Variants in PRKCSH observed in about 807,000 individuals in gnomAD.
The protein encoded by PRKCSH is glucosidase 2 subunit beta.
Under a neutral mutation model 79.7 loss-of-function variants are expected in PRKCSH, and 42 were observed. That is an observed-to-expected ratio of 0.53 (90% CI 0.41 to 0.68). The LOEUF (loss-of-function observed/expected upper bound fraction) is 0.68. Ranked by LOEUF, PRKCSH falls within the 30% of genes least tolerant of loss-of-function variation. The pLI is 0.00. For synonymous variants in PRKCSH, 325 were observed against 288.2 expected, an observed-to-expected ratio of 1.13 and a Z score of -1.29; for missense variants, 686 against 709.0, an observed-to-expected ratio of 0.97 and a Z score of 0.37.
Position 11,448,696 on chromosome 19 carries a change from C to G in PRKCSH, c.1286+67C>G, listed in dbSNP as rs751514390. 13 of 1,487,698 alleles carry G rather than the reference C, an allele frequency of 8.7e-6. No homozygotes were observed. Among genetic ancestry groups the G allele is most frequent in the Non-Finnish European group, 1.1e-5 (12 of 1,066,470 alleles). 92.2% of individuals were successfully genotyped at this position (1,487,698 alleles called of 1,614,324 possible). A position where few individuals can be genotyped will look rare whatever the true frequency, so the allele number is the denominator to read the frequency against. On this transcript the variant is annotated intron_variant, in intron 14 of 17. Coordinates refer to ENST00000677123, the MANE Select transcript of PRKCSH (RefSeq NM_001289104.2). The surrounding 1 kb of genome is among the most constrained non-coding windows in gnomAD (Gnocchi z 4.4). ...AGGCGGGTGGCCCCGGAAGTGGCAC[C>G]GGCAGTTTCCTGATGGTTGGGGAAC...
Position 11,449,246 on chromosome 19 carries a change from A to T in PRKCSH, c.1462-20A>T. 1.2e-6 allele frequency: 2 copies of T among 1,613,586 alleles called. No homozygotes were observed. The highest frequency in any genetic ancestry group is 2.2e-5 in the South Asian group (2 of 91,084). ...CTGGCCCAGCCGAACCCTCTCGAGC[A>T]CCCGTCTGCCCATCCCCAGGTGCGC... On this transcript the variant is annotated intron_variant, in intron 16 of 17. Transcript: ENST00000677123. This position sits in a 1 kb window ranked among gnomAD's most constrained non-coding sequence, Gnocchi z 6.4.
intron 17 of PRKCSH, chr19:11,450,061 G>A (rs1055816090): frequency 6.7e-6 from 1 of 148,282 alleles, no homozygotes; most frequent in Non-Finnish European, 1.5e-5. Context: ...AACCAGGTTG[G>A]TCTCGATCTC....
intron 5 of PRKCSH, among the ~76,000 whole-genome samples, chr19:11,438,905 TTTTA>T (rs900029546): frequency 2.4e-4 from 36 of 152,044 alleles, no homozygotes; most frequent in Admixed American, 1.2e-3. Context: ...GATGATTTAT[TTTTA>T]TTTATTTATA....
At position 11,447,062 on chromosome 19, in the gene PRKCSH, C is replaced by G; in HGVS notation, c.763-12C>G. 6.2e-7 allele frequency: 1 copy of G among 1,613,638 alleles called. No homozygotes were observed. The highest frequency in any genetic ancestry group is 8.5e-7 in the Non-Finnish European group (1 of 1,179,550). On this transcript the variant is annotated splice_polypyrimidine_tract_variant and intron_variant, in intron 9 of 17. Transcript: ENST00000677123. The surrounding 1 kb of genome is among the most constrained non-coding windows in gnomAD (Gnocchi z 5.6). Reference sequence around the variant, plus strand: ...GTGGCCTAGATCTTGACACCACCCCCAACACACACAGGCCCTCCTCAGTGG... The same window carrying G: ...GTGGCCTAGATCTTGACACCACCCCGAACACACACAGGCCCTCCTCAGTGG...
At chr19:11,436,670 C>T in intron 3 of PRKCSH, 165 bp downstream of exon 3, 2 of 660,390 alleles carry the variant, frequency 3.0e-6, no homozygotes, top group East Asian at 5.7e-5. Context: ...GCTGGAGGAG[C>T]CCAGAGTCGT....
At chr19:11,441,444 CCT>C in intron 6 of PRKCSH, 87 bp downstream of exon 6, 1 of 1,252,752 alleles carries the variant, frequency 8.0e-7, no homozygotes, top group Non-Finnish European at 1.2e-6. Context: ...GGGGTTTGCC[CCT>C]GACTGCTGTT....
intron 5 of PRKCSH, among the ~76,000 whole-genome samples, 195 bp downstream of exon 5, chr19:11,438,319 G>A (rs1969880834): frequency 6.6e-6 from 1 of 152,116 alleles, no homozygotes; most frequent in Non-Finnish European, 1.5e-5. Context: ...TTCAACAGAT[G>A]GGGGAACTCA....
Position 11,447,863 on chromosome 19 carries a change from G to A in PRKCSH, c.1126+74G>A. On this transcript the variant is annotated intron_variant, in intron 12 of 17. Coordinates refer to ENST00000677123, the MANE Select transcript of PRKCSH (RefSeq NM_001289104.2). The surrounding 1 kb of genome is among the most constrained non-coding windows in gnomAD (Gnocchi z 5.6). ...GCCGTGGTGGCACAGGTCGAGGGAA[G>A]ATCCTGAGCTTAGACCCTGCTCTGA... 6.9e-7 allele frequency: 1 copy of A among 1,449,176 alleles called. No individual in the cohort carries two copies. Among genetic ancestry groups the A allele is most frequent in the Non-Finnish European group, 9.3e-7 (1 of 1,076,898 alleles). 89.8% of individuals were successfully genotyped at this position (1,449,176 alleles called of 1,614,324 possible).
At chr19:11,444,086 A>G (rs1970187431) in intron 7 of PRKCSH, among the ~76,000 whole-genome samples, 1 of 152,190 alleles carries the variant, frequency 6.6e-6, no homozygotes, top group Non-Finnish European at 1.5e-5. Flanking sequence ...CTGCAACTGA[A>G]GATATTATTT....
intron 2 of PRKCSH, 24 bp downstream of exon 2, chr19:11,436,220 C>A: frequency 6.3e-7 from 1 of 1,584,892 alleles, no homozygotes; most frequent in East Asian, 2.3e-5. Context: ...TTCACCCTCC[C>A]GCCAGGCTGG....
intron 3 of PRKCSH, among the ~76,000 whole-genome samples, chr19:11,437,659 C>T (rs1269872532): frequency 6.6e-6 from 1 of 152,196 alleles, no homozygotes; most frequent in Non-Finnish European, 1.5e-5. Flanking sequence ...GGTGGAGACC[C>T]TGTTTTGAAG....
chr19:11,439,392 G>A (rs181104217), intron 5 of PRKCSH, among the ~76,000 whole-genome samples: 58 of 150,630 alleles, frequency 3.9e-4, no homozygotes, highest in Non-Finnish European at 5.8e-4. Context: ...GCAAAATAGC[G>A]ATACCCTATC....
chr19:11,440,887 ACTCCTGGGCTCAAGTGATC>A (rs1395420160), intron 5 of PRKCSH, among the ~76,000 whole-genome samples: 2 of 151,726 alleles, frequency 1.3e-5, no homozygotes, highest in Admixed American at 6.6e-5. Context: ...CTGGTTGCGA[ACTCCTGGGCTCAAGTGATC>A]CTCCTGCCTT....
At chr19:11,443,942 A>AT (rs1403976245) in intron 7 of PRKCSH, among the ~76,000 whole-genome samples, 1 of 151,988 alleles carries the variant, frequency 6.6e-6, no homozygotes, top group Non-Finnish European at 1.5e-5. Context: ...CAGCCGGCTA[A>AT]TTTTTGTAGT....
In PRKCSH at chr19:11,447,930, G is replaced by T; in HGVS notation, c.1126+141G>T. ...CCCAGTATCTTGGGGAGTCCAGGAA[G>T]GGGGCCTAGGGTAAGCCAGTCCCAC... On this transcript the variant is annotated intron_variant, in intron 12 of 17. Coordinates refer to ENST00000677123, the MANE Select transcript of PRKCSH (RefSeq NM_001289104.2). This position sits in a 1 kb window ranked among gnomAD's most constrained non-coding sequence, Gnocchi z 5.6. 1 of 1,058,362 alleles carries T rather than the reference G, an allele frequency of 9.4e-7. No individual in the cohort carries two copies. The allele number at this position is 1,058,362 out of a possible 1,614,324, so 65.6% of individuals were successfully genotyped here. A position where few individuals can be genotyped will look rare whatever the true frequency, so the allele number is the denominator to read the frequency against.
intron 5 of PRKCSH, among the ~76,000 whole-genome samples, chr19:11,438,912 T>A (rs1275048537): frequency 6.6e-6 from 1 of 151,986 alleles, no homozygotes; most frequent in African/African-American, 2.4e-5. Flanking sequence ...TATTTTTATT[T>A]ATTTATATTT....
chr19:11,447,552 GGAGGAA>G lies in PRKCSH; in HGVS notation c.966_971del (p.Glu324_Glu325del), dbSNP rs777523178. ...AGGAGGAGGAGGAGGAGGAGGAGGAGGAGGAAGAAGAGGCTGAAGAAGAGGAGGAGG... is the reference window on the plus strand; with the variant it reads ...AGGAGGAGGAGGAGGAGGAGGAGGAGGAAGAGGCTGAAGAAGAGGAGGAGG... On this transcript the variant is annotated inframe_deletion, in exon 11 of 18. Transcript: ENST00000677123. The surrounding 1 kb of genome is among the most constrained non-coding windows in gnomAD (Gnocchi z 5.6). 218 of 1,525,836 alleles carry G rather than the reference GGAGGAA, an allele frequency of 1.4e-4. No homozygotes were observed. Among genetic ancestry groups the G allele is most frequent in the Non-Finnish European group, 1.8e-4 (195 of 1,104,906 alleles). 94.5% of individuals were successfully genotyped at this position (1,525,836 alleles called of 1,614,324 possible).
intron 7 of PRKCSH, among the ~76,000 whole-genome samples, 192 bp from the exon 8 acceptor site, chr19:11,445,197 C>A (rs2144836423): frequency 6.6e-6 from 1 of 152,324 alleles, no homozygotes; most frequent in South Asian, 2.1e-4. Flanking sequence ...AGGCTTCAAC[C>A]ATTCACCTTG....
At position 11,449,614 on chromosome 19, in the gene PRKCSH, C is replaced by A; in HGVS notation, c.*16+186C>A. The A allele has an allele frequency of 1.4e-6, 1 of 709,252 alleles. No individual in the cohort carries two copies. Among genetic ancestry groups the A allele is most frequent in the Non-Finnish European group, 2.3e-6 (1 of 432,296 alleles). The allele number at this position is 709,252 out of a possible 1,614,324, so 43.9% of individuals were successfully genotyped here. A position where few individuals can be genotyped will look rare whatever the true frequency, so the allele number is the denominator to read the frequency against. On this transcript the variant is annotated intron_variant, in intron 17 of 17. Coordinates refer to ENST00000677123, the MANE Select transcript of PRKCSH (RefSeq NM_001289104.2). This position sits in a 1 kb window ranked among gnomAD's most constrained non-coding sequence, Gnocchi z 6.4. ...CTGGAGTGCAGTGATGCGACCTCAG[C>A]TGACTGCAACCTCTACCTCCCGGGT...
Sources: allele counts gnomAD v4.1 joint callset (sites outside exome capture counted in the v4.1 genomes callset), GRCh38; gene constraint gnomAD v4.1.1; non-coding constraint Gnocchi (gnomAD v3.1); transcripts MANE v1.5; gene names NCBI Gene and HGNC (gene_info 2026-07-23, HGNC 2026-07-21).